The following NOCT variants were observed in gnomAD, a reference collection of about 807,000 sequenced individuals.
NOCT encodes the protein CCR4 carbon catabolite repression 4-like.
NOCT carries 18 observed loss-of-function variants against 35.0 expected under a neutral mutation model. That is an observed-to-expected ratio of 0.51 (90% CI 0.36 to 0.76). The LOEUF (loss-of-function observed/expected upper bound fraction) is 0.76. Ranked by LOEUF, NOCT falls within the 30% of genes least tolerant of loss-of-function variation. The pLI is 0.01. For synonymous variants in NOCT, 235 were observed against 226.3 expected, an observed-to-expected ratio of 1.04 and a Z score of -0.34; for missense variants, 479 against 541.0, an observed-to-expected ratio of 0.89 and a Z score of 1.14.
At chr4:139,040,322 G>A (rs1430276071) in intron 1 of NOCT, among the ~76,000 whole-genome samples, 2 of 151,992 alleles carry the variant, frequency 1.3e-5, no homozygotes, top group African/African-American at 4.8e-5. Flanking sequence ...TTACAGGCTT[G>A]AGACACCGCG....
intron 1 of NOCT, among the ~76,000 whole-genome samples, chr4:139,041,346 TATA>T (rs1345530260): frequency 2.0e-5 from 3 of 152,230 alleles, no homozygotes; most frequent in Non-Finnish European, 2.9e-5. Flanking sequence ...GAAAACTTTA[TATA>T]ATGTTTACAT....
At chr4:139,039,500 T>G (rs909890145) in intron 1 of NOCT, among the ~76,000 whole-genome samples, 4 of 152,088 alleles carry the variant, frequency 2.6e-5, no homozygotes, top group Admixed American at 1.3e-4. Context: ...TTTGTTCCCT[T>G]TCGTTGGTCT....
intron 1 of NOCT, among the ~76,000 whole-genome samples, chr4:139,027,711 G>T (rs1377133582): frequency 1.3e-5 from 2 of 152,078 alleles, no homozygotes; most frequent in African/African-American, 4.8e-5. Context: ...TGTTAGCCAG[G>T]ATGATCTCGA....
chr4:139,020,632 A>G (rs888437172), intron 1 of NOCT, among the ~76,000 whole-genome samples: 2 of 152,124 alleles, frequency 1.3e-5, no homozygotes, highest in African/African-American at 4.8e-5. Flanking sequence ...AGCCCGGTGG[A>G]GTGCATATTT....
At position 139,045,282 on chromosome 4, in the gene NOCT, C is replaced by T. The variant is rs143546269; in HGVS notation, c.1104C>T (p.Thr368=). ...EPPYTTWKIR[T]SGECRHTLDY... ...CATACACTACCTGGAAGATCCGGAC[C>T]TCAGGGGAGTGCAGGCACACCCTGG... Residue 368 remains threonine (T), a synonymous_variant, in exon 3 of 3, where the codon ACC becomes ACT. Transcript: ENST00000280614. 3.3e-5 allele frequency: 54 copies of T among 1,614,128 alleles called. No homozygotes were observed. The African/African-American group carries it at 6.7e-4, about 20-fold the overall frequency.
chr4:139,019,269 G>A (rs139957213), intron 1 of NOCT, among the ~76,000 whole-genome samples: 10 of 152,238 alleles, frequency 6.6e-5, no homozygotes, highest in Admixed American at 2.0e-4. Flanking sequence ...GCCCGGGCTC[G>A]TCTCAAACTC....
At chr4:139,021,279 A>T (rs1017487895) in intron 1 of NOCT, among the ~76,000 whole-genome samples, 1 of 152,024 alleles carries the variant, frequency 6.6e-6, no homozygotes, top group Admixed American at 6.5e-5. Context: ...CTGAGATTAC[A>T]GGCATGAGCC....
chr4:139,016,728 A>T (rs1726314102), intron 1 of NOCT, among the ~76,000 whole-genome samples: 1 of 126,128 alleles, frequency 7.9e-6, no homozygotes, highest in Non-Finnish European at 1.6e-5. Flanking sequence ...ATATCGGCTT[A>T]CCGCAACCTC....
rs141463546 is a variant in NOCT, at chr4:139,041,722, A to G, written c.191-1352A>G. 5.1e-3 allele frequency among the ~76,000 whole-genome samples: 783 copies of G among 152,310 alleles called. 11 individuals carry two copies. Among genetic ancestry groups the G allele is most frequent in the African/African-American group, 0.018 (749 of 41,562 alleles). On this transcript the variant is annotated intron_variant, in intron 1 of 2. Coordinates refer to ENST00000280614, the MANE Select transcript of NOCT (RefSeq NM_012118.4). ...CCAGGAAATGTGGGCAACTCATGAG[A>G]AGGTAGTGCCCTGGATGGAAGTTAG...
chr4:139,016,074 G>T lies in NOCT; in HGVS notation c.93G>T (p.Pro31=), dbSNP rs775735506. The T allele has an allele frequency of 7.2e-7, 1 of 1,389,404 alleles. No individual in the cohort carries two copies. The highest frequency in any genetic ancestry group is 1.6e-5 in the South Asian group (1 of 62,870). 86.1% of individuals were successfully genotyped at this position (1,389,404 alleles called of 1,614,324 possible). A position where few individuals can be genotyped will look rare whatever the true frequency, so the allele number is the denominator to read the frequency against. The part of the protein sequence containing the change: ...RRLPAPGLRR[P]LSPPAAVPRP... ...TGCCCGCCCCAGGGCTGCGCCGCCC[G>T]TTGTCCCCGCCGGCTGCTGTTCCCA... Residue 31 remains proline, a synonymous_variant, in exon 1 of 3, where the codon CCG becomes CCT. Coordinates refer to ENST00000280614, the MANE Select transcript of NOCT (RefSeq NM_012118.4).
chr4:139,037,656 G>A (rs770293788), intron 1 of NOCT, among the ~76,000 whole-genome samples: 1 of 152,078 alleles, frequency 6.6e-6, no homozygotes, highest in Non-Finnish European at 1.5e-5. Context: ...AGTTTCCCCC[G>A]TTCTAACCCA....
At chr4:139,039,794 C>T (rs1726802017) in intron 1 of NOCT, among the ~76,000 whole-genome samples, 1 of 152,124 alleles carries the variant, frequency 6.6e-6, no homozygotes, top group South Asian at 2.1e-4. Flanking sequence ...ATGGCGCCAT[C>T]TCGGCTTCCT....
chr4:139,015,948 C>T lies in NOCT; in HGVS notation c.-34C>T. On this transcript the variant is annotated 5_prime_UTR_variant, in exon 1 of 3. Coordinates refer to ENST00000280614, the MANE Select transcript of NOCT (RefSeq NM_012118.4). ...CCCCAGCCGGGCTCCGCTCCTCGGG[C>T]GCGCGAGGGGCCGTGGTGGCGGCGG... 2 of 1,309,720 alleles carry T rather than the reference C, an allele frequency of 1.5e-6. No homozygotes were observed. The highest frequency in any genetic ancestry group is 2.1e-5 in the South Asian group (1 of 48,640). 81.1% of individuals were successfully genotyped at this position (1,309,720 alleles called of 1,614,324 possible). A position where few individuals can be genotyped will look rare whatever the true frequency, so the allele number is the denominator to read the frequency against.
At chr4:139,037,253 T>C (rs1055909905) in intron 1 of NOCT, among the ~76,000 whole-genome samples, 7 of 152,196 alleles carry the variant, frequency 4.6e-5, no homozygotes, top group Non-Finnish European at 1.0e-4. Flanking sequence ...ATGATATCTT[T>C]CTCAGACGTG....
Position 139,020,814 on chromosome 4 carries a change from C to T in NOCT, c.190+4643C>T, listed in dbSNP as rs544056672. Among the ~76,000 whole-genome samples the T allele has an allele frequency of 4.6e-5, 7 of 152,070 alleles. No homozygotes were observed. The South Asian group carries it at 6.2e-4, about 14-fold the overall frequency. ...GGCACAGTGGTTCACGCCTGTAATC[C>T]CAGCACTTTGGGAGGCCGAGGTGCG... On this transcript the variant is annotated intron_variant, in intron 1 of 2. Transcript: ENST00000280614.
intron 1 of NOCT, among the ~76,000 whole-genome samples, chr4:139,036,432 G>A (rs1046234077): frequency 1.9e-4 from 29 of 152,112 alleles, no homozygotes; most frequent in African/African-American, 6.8e-4. Flanking sequence ...ATGAACAGTC[G>A]TATGTGTCTG....
Position 139,016,213 on chromosome 4 carries a change from C to A in NOCT, c.190+42C>A. 4.2e-6 allele frequency: 5 copies of A among 1,186,166 alleles called. 1 individual carries two copies. The highest frequency in any genetic ancestry group is 6.6e-4 in the Middle Eastern group (2 of 3,048). 73.5% of individuals were successfully genotyped at this position (1,186,166 alleles called of 1,614,324 possible). A position where few individuals can be genotyped will look rare whatever the true frequency, so the allele number is the denominator to read the frequency against. ...TCCGGGCGGAGAACGCCACGGCCGC[C>A]AACGCGCGGCCGCCACCTGGAGACC... is the stretch of plus-strand genomic sequence containing the variant. On this transcript the variant is annotated intron_variant, in intron 1 of 2. Transcript: ENST00000280614.
chr4:139,033,508 A>C (rs1272531834), intron 1 of NOCT, among the ~76,000 whole-genome samples: 1 of 150,088 alleles, frequency 6.7e-6, no homozygotes, highest in Non-Finnish European at 1.5e-5. Context: ...CTGTCTCTAC[A>C]AAAAAAAAAT....
In NOCT at chr4:139,043,253, C is replaced by T. The variant is rs753452223; in HGVS notation, c.370C>T (p.Arg124Trp). The change falls in exon 2 of 3, where the codon CGG becomes TGG. Residue 124 changes from arginine (R) to tryptophan (W), a missense_variant. Arg to Trp is a moderately radical substitution (Grantham distance 101, BLOSUM62 -3). Transcript: ENST00000280614. Reference sequence around the variant, plus strand: ...GGCCGTCCTGCACACCCGACCTCCCCGGTTCCAGAGGGATTTTGTGGATCT... The same window carrying T: ...GGCCGTCCTGCACACCCGACCTCCCTGGTTCCAGAGGGATTTTGTGGATCT... ...CRAVLHTRPP[R>W]FQRDFVDLRT... The T allele has an allele frequency of 8.1e-6, 13 of 1,614,056 alleles. No homozygotes were observed. The highest frequency in any genetic ancestry group is 1.0e-5 in the Non-Finnish European group (12 of 1,180,030).
Sources: gnomAD v4.1 joint callset for allele counts (sites outside exome capture counted in the v4.1 genomes callset) on GRCh38, gnomAD v4.1.1 for gene constraint, MANE v1.5 for transcripts, NCBI Gene and HGNC (gene_info 2026-07-23, HGNC 2026-07-21) for gene names.